Variants in CSMD1 observed in about 807,000 individuals in gnomAD.
CSMD1 encodes the protein CUB and sushi domain-containing protein 1.
A neutral mutation model predicts 417.5 loss-of-function variants in CSMD1; 213 were observed. The ratio of observed to expected loss-of-function variants is 0.51; its 90% confidence interval spans 0.46 to 0.57. The LOEUF (loss-of-function observed/expected upper bound fraction) is 0.57, where lower values mean the gene tolerates loss of function less well. CSMD1 is among the 20% of genes least tolerant of loss of function. CSMD1 has a pLI of 0.00. For missense variants in CSMD1, 6,923 were observed against 4,529.7 expected (o/e 1.53, Z -15.17); for synonymous variants, 2,862 against 1,736.8 (o/e 1.65, Z -16.11).
intron 6 of CSMD1, among the ~76,000 whole-genome samples, chr8:3,711,282 A>C (rs9942728): frequency 0.93 from 142,164 of 152,098 alleles, 67,134 homozygotes; most frequent in Non-Finnish European, 1. Context: ...AGAGCCATGA[A>C]TAGACCACAG....
chr8:4,295,395 T>A (rs1383466784), intron 3 of CSMD1, among the ~76,000 whole-genome samples: 1 of 144,850 alleles, frequency 6.9e-6, no homozygotes, highest in Non-Finnish European at 1.5e-5. Flanking sequence ...CATATAATCT[T>A]AAGATTATAT....
chr8:4,400,178 A>C (rs1222344904), intron 3 of CSMD1, among the ~76,000 whole-genome samples: 1 of 152,234 alleles, frequency 6.6e-6, no homozygotes, highest in Non-Finnish European at 1.5e-5. Context: ...ATTACTGATT[A>C]AATACAAGCC....
At chr8:3,170,680 C>A (rs1000277059) in intron 37 of CSMD1, among the ~76,000 whole-genome samples, 9 of 152,122 alleles carry the variant, frequency 5.9e-5, no homozygotes, top group African/African-American at 2.2e-4. Flanking sequence ...ATGGATCATG[C>A]ACAACTGTAG....
intron 11 of CSMD1, among the ~76,000 whole-genome samples, chr8:3,472,952 A>T (rs191060215): frequency 6.6e-6 from 1 of 151,672 alleles, no homozygotes; most frequent in South Asian, 2.1e-4. Flanking sequence ...CCCATTTCCA[A>T]CCTCTCAGCT....
intron 9 of CSMD1, among the ~76,000 whole-genome samples, chr8:3,576,859 T>C (rs540903462): frequency 5.1e-4 from 78 of 152,368 alleles, no homozygotes; most frequent in African/African-American, 1.8e-3. Context: ...AAAGTGATAA[T>C]AAACTCTGAG....
At chr8:3,352,584 A>C (rs531663750) in intron 21 of CSMD1, among the ~76,000 whole-genome samples, 1 of 152,298 alleles carries the variant, frequency 6.6e-6, no homozygotes, top group African/African-American at 2.4e-5. Flanking sequence ...TCACATCTGT[A>C]ATCCTAGCAG....
intron 5 of CSMD1, among the ~76,000 whole-genome samples, chr8:3,800,551 G>A (rs550186758): frequency 6.6e-6 from 1 of 152,162 alleles, no homozygotes; most frequent in East Asian, 1.9e-4. Context: ...GGTATGCAAT[G>A]GCTTGGATAT....
chr8:3,322,305 T>C (rs1460379404), intron 23 of CSMD1, among the ~76,000 whole-genome samples: 1 of 152,222 alleles, frequency 6.6e-6, no homozygotes, highest in Non-Finnish European at 1.5e-5. Context: ...ATTTTATTCC[T>C]TTAGGTCTGT....
chr8:4,147,404 C>T (rs1351535427), intron 3 of CSMD1, among the ~76,000 whole-genome samples: 1 of 152,090 alleles, frequency 6.6e-6, no homozygotes, highest in Non-Finnish European at 1.5e-5. Context: ...TCCCCACATG[C>T]TGCCCTGTCT....
intron 50 of CSMD1, among the ~76,000 whole-genome samples, chr8:3,040,756 T>C (rs1811033754): frequency 1.3e-5 from 2 of 152,194 alleles, no homozygotes; most frequent in South Asian, 4.1e-4. Flanking sequence ...CGAGTTGAGA[T>C]CGTGCCACTG....
intron 5 of CSMD1, among the ~76,000 whole-genome samples, chr8:3,859,577 G>C (rs1424662128): frequency 2.0e-5 from 3 of 152,054 alleles, no homozygotes; most frequent in East Asian, 1.9e-4. Context: ...GTGCGAAGTT[G>C]GGTCATGCCA....
chr8:3,439,853 G>A (rs1220351851), intron 12 of CSMD1, among the ~76,000 whole-genome samples: 1 of 152,114 alleles, frequency 6.6e-6, no homozygotes, highest in Non-Finnish European at 1.5e-5. Context: ...GATTCACATG[G>A]AGGCACATTT....
At chr8:3,725,216 A>T (rs1055822322) in intron 6 of CSMD1, among the ~76,000 whole-genome samples, 24 of 152,084 alleles carry the variant, frequency 1.6e-4, no homozygotes, top group Non-Finnish European at 3.2e-4. Flanking sequence ...GTGAAAAGAG[A>T]TTAGTGTTGC....
intron 5 of CSMD1, among the ~76,000 whole-genome samples, chr8:3,762,229 A>C (rs976046971): frequency 1.3e-5 from 2 of 151,958 alleles, no homozygotes; most frequent in Non-Finnish European, 2.9e-5. Flanking sequence ...CTCCTGACTC[A>C]GATCATCCCA....
chr8:4,764,948 C>T (rs1043999806), intron 1 of CSMD1, among the ~76,000 whole-genome samples: 2 of 150,326 alleles, frequency 1.3e-5, no homozygotes, highest in African/African-American at 4.9e-5. Context: ...AGGTAATTTC[C>T]ATGTTGCACA....
In CSMD1 at chr8:3,106,607, G is replaced by A. The variant is rs1287537953; in HGVS notation, c.6870C>T (p.Tyr2290=). The change falls in exon 46 of 70, where the codon TAC becomes TAT. Residue 2290 remains tyrosine, a synonymous_variant. Transcript: ENST00000635120. ...TCAGAATGTCGGTCCCCACCAAGGT[G>A]TACCCGGGGTGGCACTGGTACTTCA... ...DFVKYQCHPG[Y]TLVGTDILTC... 2.5e-6 allele frequency: 4 copies of A among 1,613,510 alleles called. No individual in the cohort carries two copies. Among genetic ancestry groups the A allele is most frequent in the African/African-American group, 2.7e-5 (2 of 75,022 alleles).
At chr8:3,966,804 G>A (rs1044774925) in intron 5 of CSMD1, among the ~76,000 whole-genome samples, 1 of 151,908 alleles carries the variant, frequency 6.6e-6, no homozygotes, top group South Asian at 2.1e-4. Context: ...TAAATCCCAA[G>A]AAATAATGTA....
intron 12 of CSMD1, among the ~76,000 whole-genome samples, chr8:3,421,556 G>C (rs1316665488): frequency 6.6e-6 from 1 of 152,174 alleles, no homozygotes; most frequent in Non-Finnish European, 1.5e-5. Context: ...GCCAATTCAA[G>C]ATAATATTTA....
chr8:3,232,246 A>G (rs1473247750), intron 26 of CSMD1, among the ~76,000 whole-genome samples: 2 of 152,186 alleles, frequency 1.3e-5, no homozygotes, highest in African/African-American at 4.8e-5. Flanking sequence ...AGCCACATAT[A>G]TCAGTTTCCT....
Sources: allele counts gnomAD v4.1 joint callset (sites outside exome capture counted in the v4.1 genomes callset), GRCh38; gene constraint gnomAD v4.1.1; transcripts MANE v1.5; gene names NCBI Gene and HGNC (gene_info 2026-07-23, HGNC 2026-07-21).